The following SMCO4 variants were observed in gnomAD, a reference collection of about 807,000 sequenced individuals.
The protein encoded by SMCO4 is single-pass membrane and coiled-coil domain-containing protein 4.
SMCO4 carries 4 observed loss-of-function variants against 3.6 expected under a neutral mutation model. The observed-to-expected ratio is 1.11, with a 90% CI of 0.54 to 2.53. The LOEUF (loss-of-function observed/expected upper bound fraction) is 2.53. Among genes scored for constraint, SMCO4 ranks in the 30% most tolerant of loss-of-function variants. SMCO4 has a pLI of 0.02. For missense variants in SMCO4, 70 were observed against 80.8 expected, an observed-to-expected ratio of 0.87 and a Z score of 0.51; for synonymous variants, 36 against 35.3, an observed-to-expected ratio of 1.02 and a Z score of -0.07.
rs1565383124 is a variant in SMCO4 at position 93,514,414 on chromosome 11, AT to A, written c.-153-15067del. On this transcript the variant is annotated intron_variant, in intron 1 of 2. Transcript: ENST00000298966. Reference sequence around the variant, plus strand: ...TATATATATATATATATATATATATATATATATAAAATTTGGTCTCTTCCAA... The same window carrying A: ...TATATATATATATATATATATATATAATATATAAAATTTGGTCTCTTCCAA... Among the ~76,000 whole-genome samples, 124 of 19,578 alleles carry A rather than the reference AT, an allele frequency of 6.3e-3. 1 individual carries two copies. Among genetic ancestry groups the A allele is most frequent in the African/African-American group, 0.016 (114 of 7,040 alleles). 12.8% of individuals were successfully genotyped at this position (19,578 alleles called of 152,430 possible).
chr11:93,508,383 T>C (rs1948927278), intron 1 of SMCO4, among the ~76,000 whole-genome samples: 2 of 152,180 alleles, frequency 1.3e-5, no homozygotes, highest in African/African-American at 4.8e-5. Context: ...GAACATATGA[T>C]TCTGAAAACA....
At chr11:93,481,343 G>A (rs1948589890) in intron 2 of SMCO4, 2 of 748,792 alleles carry the variant, frequency 2.7e-6, no homozygotes, top group African/African-American at 1.9e-5. Flanking sequence ...CAGGTGGGCT[G>A]AGACATCTCC....
At chr11:93,516,947 GC>G (rs975087757) in intron 1 of SMCO4, among the ~76,000 whole-genome samples, 2 of 152,024 alleles carry the variant, frequency 1.3e-5, no homozygotes, top group African/African-American at 4.8e-5. Context: ...CTGCCTCATA[GC>G]CCTCTGCCTT....
At chr11:93,533,761 T>A (rs977810347) in intron 1 of SMCO4, among the ~76,000 whole-genome samples, 1 of 152,122 alleles carries the variant, frequency 6.6e-6, no homozygotes, top group African/African-American at 2.4e-5. Flanking sequence ...CCCACCTTCA[T>A]CCCTTTTAAT....
intron 1 of SMCO4, among the ~76,000 whole-genome samples, chr11:93,516,645 C>T (rs1286950838): frequency 6.6e-6 from 1 of 152,062 alleles, no homozygotes; most frequent in Non-Finnish European, 1.5e-5. Context: ...CAAAAATTAG[C>T]CAGCTGTGGT....
chr11:93,537,978 G>C (rs1289855686), intron 1 of SMCO4: 1 of 152,588 alleles, frequency 6.6e-6, no homozygotes, highest in African/African-American at 2.4e-5. Context: ...GGCCTGACCA[G>C]AGCCAGCACA....
chr11:93,508,600 G>A (rs1002208921), intron 1 of SMCO4, among the ~76,000 whole-genome samples: 12 of 152,190 alleles, frequency 7.9e-5, no homozygotes, highest in Non-Finnish European at 1.8e-4. Context: ...GTAACAAAGT[G>A]CAGGGCTTTA....
rs185795678 is a variant in SMCO4 at position 93,529,803 on chromosome 11, G to A, written c.-154+13473C>T. Reference sequence around the variant, plus strand: ...CCAGGCCCGCTGAGGGCCAGCCTCCGCCTGGAGTTCCTTCTTCTTTTTAAT... The same window carrying A: ...CCAGGCCCGCTGAGGGCCAGCCTCCACCTGGAGTTCCTTCTTCTTTTTAAT... On this transcript the variant is annotated intron_variant, in intron 1 of 2. Transcript: ENST00000298966. Among the ~76,000 whole-genome samples the A allele has an allele frequency of 1.3e-3, 203 of 152,364 alleles. 1 individual carries two copies. The highest frequency in any genetic ancestry group is 2.3e-3 in the Non-Finnish European group (158 of 68,040).
At chr11:93,510,367 A>G (rs371599032) in intron 1 of SMCO4, among the ~76,000 whole-genome samples, 2 of 152,150 alleles carry the variant, frequency 1.3e-5, no homozygotes, top group Non-Finnish European at 2.9e-5. Flanking sequence ...GGCTACAGTC[A>G]CTCTGCTGAT....
upstream of SMCO4, among the ~76,000 whole-genome samples, chr11:93,543,864 G>C (rs113185510): frequency 2.6e-4 from 40 of 152,214 alleles, no homozygotes; most frequent in African/African-American, 9.2e-4. Context: ...GACTTTTACC[G>C]CTGTCTACCC....
At chr11:93,535,632 G>C (rs1949215237) in intron 1 of SMCO4, 7 of 1,588,708 alleles carry the variant, frequency 4.4e-6, no homozygotes, top group Non-Finnish European at 6.0e-6. Context: ...CAGACAACAA[G>C]TGTCTGTTAA....
At chr11:93,551,895 TC>T in the SMCO4 span, among the ~76,000 whole-genome samples, 1 of 152,266 alleles carries the variant, frequency 6.6e-6, no homozygotes, top group African/African-American at 2.4e-5. Context: ...TAGAAGTACT[TC>T]CTGAAACTTG....
intron 1 of SMCO4, among the ~76,000 whole-genome samples, chr11:93,521,943 C>T (rs1949061444): frequency 6.6e-6 from 1 of 152,214 alleles, no homozygotes; most frequent in Non-Finnish European, 1.5e-5. Context: ...GATGCACCTA[C>T]ACACAGCCTT....
At chr11:93,510,055 G>A (rs1357416862) in intron 1 of SMCO4, among the ~76,000 whole-genome samples, 10 of 152,186 alleles carry the variant, frequency 6.6e-5, no homozygotes, top group Middle Eastern at 3.2e-3. Context: ...AGGAGACCGC[G>A]TCAAGTTTCT....
chr11:93,511,970 CT>C (rs1183992878), intron 1 of SMCO4, among the ~76,000 whole-genome samples: 2 of 152,094 alleles, frequency 1.3e-5, no homozygotes, highest in Non-Finnish European at 2.9e-5. Flanking sequence ...CTCACTTGTT[CT>C]TATTAATTTT....
intron 1 of SMCO4, among the ~76,000 whole-genome samples, chr11:93,514,871 G>A (rs1948995206): frequency 6.6e-6 from 1 of 152,172 alleles, no homozygotes; most frequent in Non-Finnish European, 1.5e-5. Context: ...TCCATCTGCA[G>A]GGTTGGGGTA....
At position 93,489,142 on chromosome 11, in the gene SMCO4, T is replaced by C. The variant is rs116364693; in HGVS notation, c.-80-9873A>G. ...GAGCACAGGGAAGACTCGGAGGCAG[T>C]GCCGGCCTGAAATCCTAGTTCTGCC... On this transcript the variant is annotated intron_variant, in intron 2 of 2. Transcript: ENST00000298966. Among the ~76,000 whole-genome samples, 1,042 of 152,254 alleles carry C rather than the reference T, an allele frequency of 6.8e-3. 15 individuals are homozygous for C. The highest frequency in any genetic ancestry group is 0.024 in the African/African-American group (1,004 of 41,552).
chr11:93,483,370 A>T (rs1948613875), intron 2 of SMCO4, among the ~76,000 whole-genome samples: 2 of 152,212 alleles, frequency 1.3e-5, no homozygotes, highest in Admixed American at 1.3e-4. Flanking sequence ...GCTCAAGCAC[A>T]TCTGCTAGGA....
intron 1 of SMCO4, among the ~76,000 whole-genome samples, chr11:93,526,607 C>T (rs1003222966): frequency 6.6e-6 from 1 of 152,206 alleles, no homozygotes; most frequent in African/African-American, 2.4e-5. Flanking sequence ...CTGCTCTTCA[C>T]ATCCGCATCC....
Sources: gnomAD v4.1 joint callset for allele counts (sites outside exome capture counted in the v4.1 genomes callset) on GRCh38, gnomAD v4.1.1 for gene constraint, MANE v1.5 for transcripts, NCBI Gene and HGNC (gene_info 2026-07-23, HGNC 2026-07-21) for gene names.